The following CEP63 variants were observed in gnomAD, a reference collection of about 807,000 sequenced individuals.
The protein encoded by CEP63 is centrosomal protein 63, also known as centrosomal protein of 63 kDa.
Under a neutral mutation model 89.1 loss-of-function variants are expected in CEP63, and 84 were observed. That is an observed-to-expected ratio of 0.94 (90% confidence interval 0.79 to 1.13). The LOEUF is 1.13. CEP63 is among the 50% of genes most tolerant of loss of function. The pLI, the probability that CEP63 is intolerant of heterozygous loss-of-function variation, is 0.00. For synonymous variants in CEP63, 267 were observed against 272.5 expected (o/e 0.98, Z 0.20); for missense variants, 838 against 813.3 (o/e 1.03, Z -0.37).
intron 4 of CEP63, 152 bp downstream of exon 4, chr3:134,532,092 TA>T: frequency 1.6e-6 from 1 of 612,234 alleles, no homozygotes; most frequent in South Asian, 2.0e-5. Flanking sequence ...CTCTGTTCTT[TA>T]ATCCAGGTAA....
chr3:134,516,755 T>TGG (rs1325773676), intron 3 of CEP63, among the ~76,000 whole-genome samples: 1 of 152,190 alleles, frequency 6.6e-6, no homozygotes, highest in South Asian at 2.1e-4. Context: ...AGCACAGGGT[T>TGG]GGGGGTAAGG....
chr3:134,773,400 C>T, the CEP63 span, among the ~76,000 whole-genome samples: 3 of 152,182 alleles, frequency 2.0e-5, no homozygotes, highest in African/African-American at 4.8e-5. Context: ...AAGCTATCCA[C>T]TTAGCACAGG....
chr3:134,752,948 G>T, the CEP63 span, among the ~76,000 whole-genome samples: 87 of 152,132 alleles, frequency 5.7e-4, no homozygotes, highest in Non-Finnish European at 8.1e-4. Flanking sequence ...GCCCGGGCAT[G>T]ATATGGGTCT....
At position 134,561,471 on chromosome 3, in the gene CEP63, C is replaced by A; in HGVS notation, c.2048C>A (p.Ala683Asp). ...CATCACATTCTAGAGCGCTTGGATGCCCATATTGAAGAACTAAAAAGAGAG... is the reference window on the plus strand; with the variant it reads ...CATCACATTCTAGAGCGCTTGGATGACCATATTGAAGAACTAAAAAGAGAG... ...RSHHILERLD[A>D]HIEELKRESE... Residue 683 changes from alanine to aspartate, a missense_variant, in exon 15 of 15, where the codon GCC becomes GAC. Physicochemically the swap from Ala to Asp is moderately radical, Grantham distance 126. Transcript: ENST00000675561. 6.2e-7 allele frequency: 1 copy of A among 1,613,754 alleles called. No individual in the cohort carries two copies. Among genetic ancestry groups the A allele is most frequent in the Non-Finnish European group, 8.5e-7 (1 of 1,179,824 alleles).
the CEP63 span, among the ~76,000 whole-genome samples, chr3:134,641,936 CT>C: frequency 4.6e-5 from 7 of 151,972 alleles, no homozygotes; most frequent in Non-Finnish European, 7.4e-5. Flanking sequence ...TCTCTGAGTC[CT>C]TTTTTTTGTG....
chr3:134,640,836 G>T, the CEP63 span, among the ~76,000 whole-genome samples: 1 of 152,152 alleles, frequency 6.6e-6, no homozygotes, highest in South Asian at 2.1e-4. Context: ...TCTCTTGCTG[G>T]ATTATCACAA....
chr3:134,731,858 C>T, the CEP63 span, among the ~76,000 whole-genome samples: 1 of 152,258 alleles, frequency 6.6e-6, no homozygotes, highest in East Asian at 1.9e-4. Flanking sequence ...GCTACAAAAC[C>T]ACTGCCAGAA....
At chr3:134,589,519 T>C (rs1306943695), downstream of CEP63, among the ~76,000 whole-genome samples, 1 of 149,434 alleles carries the variant, frequency 6.7e-6, no homozygotes, top group East Asian at 2.0e-4. Context: ...AAATAAAAGG[T>C]AGAATGACAG....
At chr3:134,520,807 C>G (rs1371228395) in intron 3 of CEP63, among the ~76,000 whole-genome samples, 1 of 152,094 alleles carries the variant, frequency 6.6e-6, no homozygotes, top group Non-Finnish European at 1.5e-5. Flanking sequence ...GTCACTGGAT[C>G]AACTGAGTAA....
the CEP63 span, among the ~76,000 whole-genome samples, chr3:134,656,558 C>T: frequency 4.6e-5 from 7 of 152,238 alleles, no homozygotes; most frequent in South Asian, 6.2e-4. Context: ...CACTGTCACC[C>T]GAAACTGGCC....
At chr3:134,741,312 T>C in the CEP63 span, among the ~76,000 whole-genome samples, 17 of 152,316 alleles carry the variant, frequency 1.1e-4, no homozygotes, top group Admixed American at 3.3e-4. Context: ...ACTCAGTTCT[T>C]GAGCATCTGA....
the CEP63 span, among the ~76,000 whole-genome samples, chr3:134,747,062 C>A: frequency 6.6e-6 from 1 of 151,450 alleles, no homozygotes; most frequent in Non-Finnish European, 1.5e-5. Flanking sequence ...TTAGGTCTAA[C>A]ATTTAAGTCT....
chr3:134,738,985 G>C, the CEP63 span, among the ~76,000 whole-genome samples: 1 of 147,330 alleles, frequency 6.8e-6, no homozygotes, highest in African/African-American at 2.5e-5. Context: ...AAAAAACCCA[G>C]ATAACAAGTG....
At chr3:134,778,796 G>A in the CEP63 span, among the ~76,000 whole-genome samples, 1 of 152,098 alleles carries the variant, frequency 6.6e-6, no homozygotes, top group African/African-American at 2.4e-5. Context: ...TCCTAACCTC[G>A]TGATTCGCCT....
chr3:134,748,769 C>T, the CEP63 span, among the ~76,000 whole-genome samples: 3 of 152,184 alleles, frequency 2.0e-5, no homozygotes, highest in African/African-American at 7.2e-5. Context: ...GAAGTGCAAA[C>T]ATGTGACCCT....
At chr3:134,751,605 G>A in the CEP63 span, among the ~76,000 whole-genome samples, 9 of 152,166 alleles carry the variant, frequency 5.9e-5, no homozygotes, top group African/African-American at 1.9e-4. Context: ...TAGATGGTGG[G>A]AGATGAGTTC....
At chr3:134,633,018 T>C in the CEP63 span, among the ~76,000 whole-genome samples, 1 of 151,992 alleles carries the variant, frequency 6.6e-6, no homozygotes, top group Non-Finnish European at 1.5e-5. Flanking sequence ...TTAGATGAAA[T>C]GGGCCAATTC....
At chr3:134,650,826 T>A in the CEP63 span, 2 of 1,585,188 alleles carry the variant, frequency 1.3e-6, no homozygotes, top group South Asian at 2.3e-5. Flanking sequence ...GCGCGTTACC[T>A]CCTCCGCGCT....
chr3:134,753,962 T>C, the CEP63 span, among the ~76,000 whole-genome samples: 3 of 152,250 alleles, frequency 2.0e-5, no homozygotes, highest in African/African-American at 7.2e-5. Context: ...GTGGGGGTTC[T>C]ATGCATGTGT....
Sources: allele counts gnomAD v4.1 joint callset (sites outside exome capture counted in the v4.1 genomes callset), GRCh38; gene constraint gnomAD v4.1.1; transcripts MANE v1.5; gene names NCBI Gene and HGNC (gene_info 2026-07-23, HGNC 2026-07-21).